Variants in TERF1 observed in about 807,000 individuals in gnomAD.
TERF1 encodes the protein telomeric repeat binding factor 1.
In TERF1, 20 loss-of-function variants were observed where a neutral mutation model predicts 55.1. The observed-to-expected ratio is 0.36, with a 90% confidence interval of 0.26 to 0.53. The LOEUF (loss-of-function observed/expected upper bound fraction) is 0.53. Ranked by LOEUF, TERF1 falls within the 20% of genes least tolerant of loss-of-function variation. The probability of loss-of-function intolerance (pLI) is 0.91; values close to 1 mark genes in which losing one functional copy is unlikely to be tolerated. For synonymous variants in TERF1, 168 were observed against 181.2 expected, an observed-to-expected ratio of 0.93 and a Z score of 0.59; for missense variants, 439 against 535.7, an observed-to-expected ratio of 0.82 and a Z score of 1.78.
chr8:73,012,885 C>G (rs1160408656), intron 1 of TERF1: 1 of 455,622 alleles, frequency 2.2e-6, no homozygotes, highest in African/African-American at 2.0e-5. Context: ...CAGAGACTGG[C>G]TATCTGAAGT....
intron 5 of TERF1, among the ~76,000 whole-genome samples, 184 bp downstream of exon 5, chr8:73,025,155 T>C (rs140843620): frequency 7.2e-4 from 110 of 152,328 alleles, no homozygotes; most frequent in African/African-American, 2.5e-3. Flanking sequence ...ATATGTACTT[T>C]TGTAACTTTT....
intron 6 of TERF1, among the ~76,000 whole-genome samples, chr8:73,028,485 T>C (rs1369511891): frequency 6.6e-6 from 1 of 151,332 alleles, no homozygotes; most frequent in East Asian, 1.9e-4. Context: ...TTTAGATCAC[T>C]CCCAGCTTAA....
chr8:73,038,484 A>G (rs1309868031), intron 8 of TERF1, among the ~76,000 whole-genome samples: 1 of 152,040 alleles, frequency 6.6e-6, no homozygotes, highest in Non-Finnish European at 1.5e-5. Flanking sequence ...ACCTCTAAGA[A>G]TGTTAGATTT....
Position 73,008,919 on chromosome 8 carries a change from C to G in TERF1, c.33C>G (p.Ser11Arg). The G allele has an allele frequency of 6.2e-7, 1 of 1,611,426 alleles. No individual in the cohort carries two copies. Among genetic ancestry groups the G allele is most frequent in the Non-Finnish European group, 8.5e-7 (1 of 1,179,066 alleles). Reference protein sequence around the residue: MAEDVSSAAPSPRGCADGRDA... With the variant: MAEDVSSAAPRPRGCADGRDA... Reference sequence around the variant, plus strand: ...AGGATGTTTCCTCAGCGGCCCCGAGCCCGCGGGGCTGTGCGGATGGTAGGG... The same window carrying G: ...AGGATGTTTCCTCAGCGGCCCCGAGGCCGCGGGGCTGTGCGGATGGTAGGG... Residue 11 changes from serine (S) to arginine (R), a missense_variant, in exon 1 of 10, where the codon AGC becomes AGG. Ser to Arg is a moderately radical substitution (Grantham distance 110). This residue lies in a region of TERF1 where 179 missense variants were observed against 152.6 expected (regional missense o/e 1.17). Coordinates refer to ENST00000276603, the MANE Select transcript of TERF1 (RefSeq NM_017489.3).
chr8:73,014,333 C>A (rs1456580666), intron 2 of TERF1, among the ~76,000 whole-genome samples: 6 of 151,800 alleles, frequency 4.0e-5, no homozygotes, highest in Non-Finnish European at 8.8e-5. Flanking sequence ...ATATACATTT[C>A]TAATAAATTC....
intron 6 of TERF1, among the ~76,000 whole-genome samples, chr8:73,028,512 A>G (rs1809122004): frequency 6.8e-6 from 1 of 147,518 alleles, no homozygotes; most frequent in Non-Finnish European, 1.5e-5. Context: ...TTTGGCTCCT[A>G]TTTCCTACTA....
chr8:73,037,778 A>G (rs1213931997), intron 8 of TERF1, among the ~76,000 whole-genome samples: 1 of 49,710 alleles, frequency 2.0e-5, no homozygotes, highest in East Asian at 3.0e-4. Flanking sequence ...TAATATATAT[A>G]TTATATATAA....
intron 9 of TERF1, 30 bp downstream of exon 9, chr8:73,039,249 C>A: frequency 7.2e-7 from 1 of 1,393,932 alleles, no homozygotes; most frequent in Non-Finnish European, 9.9e-7. Context: ...TCGAATAACG[C>A]TTATGGACAT....
At chr8:73,029,069 G>T (rs1809161179) in intron 6 of TERF1, among the ~76,000 whole-genome samples, 1 of 152,062 alleles carries the variant, frequency 6.6e-6, no homozygotes, top group African/African-American at 2.4e-5. Context: ...GCAGAACCAG[G>T]GCAAATAAAG....
intron 2 of TERF1, among the ~76,000 whole-genome samples, chr8:73,017,854 C>G (rs1394768499): frequency 6.6e-6 from 1 of 152,088 alleles, no homozygotes; most frequent in African/African-American, 2.4e-5. Flanking sequence ...AGGCGTGCGC[C>G]ACCATGCCTG....
In TERF1 at chr8:73,008,936, A is replaced by T. The variant is rs377699337; in HGVS notation, c.50A>T (p.Asp17Val). 6.2e-7 allele frequency: 1 copy of T among 1,612,472 alleles called. No individual in the cohort carries two copies. The highest frequency in any genetic ancestry group is 1.1e-5 in the South Asian group (1 of 90,714). ...SAAPSPRGCA[D>V]GRDADPTEEQ... ...GCCCCGAGCCCGCGGGGCTGTGCGG[A>T]TGGTAGGGATGCCGACCCTACTGAG... is the stretch of plus-strand genomic sequence containing the variant. Residue 17 changes from aspartate to valine, a missense_variant, in exon 1 of 10, where the codon GAT (aspartate) becomes GTT (valine). Asp to Val is a radical substitution (Grantham distance 152, BLOSUM62 -3). Transcript: ENST00000276603.
At chr8:73,034,384 G>A (rs567585776) in intron 8 of TERF1, among the ~76,000 whole-genome samples, 23 of 151,756 alleles carry the variant, frequency 1.5e-4, no homozygotes, top group African/African-American at 4.8e-4. Context: ...CGCCCACCTC[G>A]GCCTCCCCAA....
intron 1 of TERF1, chr8:73,010,036 C>G (rs2129699148): frequency 6.6e-6 from 1 of 152,266 alleles, no homozygotes; most frequent in East Asian, 1.9e-4. Context: ...TGTAAGATTA[C>G]AGGTATGAGC....
intron 4 of TERF1, among the ~76,000 whole-genome samples, chr8:73,022,877 A>T (rs1808825244): frequency 6.6e-6 from 1 of 152,158 alleles, no homozygotes; most frequent in Non-Finnish European, 1.5e-5. Context: ...GGCTGCAGTG[A>T]GCTATAACGC....
At chr8:73,025,498 A>G (rs1360069444) in intron 5 of TERF1, among the ~76,000 whole-genome samples, 1 of 152,034 alleles carries the variant, frequency 6.6e-6, no homozygotes, top group East Asian at 1.9e-4. Context: ...CACGCCTGTA[A>G]TCCCAGCACT....
chr8:73,024,310 A>G (rs923513526), intron 4 of TERF1, among the ~76,000 whole-genome samples: 2 of 152,242 alleles, frequency 1.3e-5, no homozygotes, highest in African/African-American at 2.4e-5. Flanking sequence ...TGTTGTAAAC[A>G]TAGAGTTGAG....
chr8:73,008,915 C>G lies in TERF1; in HGVS notation c.29C>G (p.Pro10Arg). ...GCGGAGGATGTTTCCTCAGCGGCCC[C>G]GAGCCCGCGGGGCTGTGCGGATGGT... MAEDVSSAA[P>R]SPRGCADGRD... Residue 10 changes from proline (P) to arginine (R), a missense_variant, in exon 1 of 10, where the codon CCG becomes CGG. Coordinates refer to ENST00000276603, the MANE Select transcript of TERF1 (RefSeq NM_017489.3). 1 of 1,610,832 alleles carries G rather than the reference C, an allele frequency of 6.2e-7. No homozygotes were observed. The highest frequency in any genetic ancestry group is 1.1e-5 in the South Asian group (1 of 90,328).
rs540843573 is a variant in TERF1 at position 73,014,589 on chromosome 8, C to T, written c.415+599C>T. 3.3e-4 allele frequency among the ~76,000 whole-genome samples: 51 copies of T among 152,264 alleles called. 3 individuals carry two copies. The South Asian group carries it at 9.5e-3, about 28-fold the overall frequency. On this transcript the variant is annotated intron_variant, in intron 2 of 9. Coordinates refer to ENST00000276603, the MANE Select transcript of TERF1 (RefSeq NM_017489.3). ...GGCTGATTCAGTTTATCAGTAATGG[C>T]TGGTATTTACAACATGGTCATTTTA...
At chr8:73,039,287 T>C (rs527301413) in intron 9 of TERF1, 68 bp downstream of exon 9, 1 of 1,180,130 alleles carries the variant, frequency 8.5e-7, no homozygotes, top group East Asian at 2.6e-5. Context: ...TAATTGTGAT[T>C]ATTTCTGTTC....
Sources: gnomAD v4.1 joint callset for allele counts (sites outside exome capture counted in the v4.1 genomes callset) on GRCh38, gnomAD v4.1.1 for gene constraint, gnomAD v4.1.1 regional missense constraint, MANE v1.5 for transcripts, NCBI Gene and HGNC (gene_info 2026-07-23, HGNC 2026-07-21) for gene names.